Variants in DLGAP2 observed in about 807,000 individuals in gnomAD.
DLGAP2 encodes DLG associated protein 2.
A neutral mutation model predicts 100.3 loss-of-function variants in DLGAP2; 26 were observed. The observed-to-expected ratio is 0.26, with a 90% CI of 0.19 to 0.36. DLGAP2 has a LOEUF of 0.36. DLGAP2 is among the 10% of genes least tolerant of loss of function. The pLI, the probability that DLGAP2 is intolerant of heterozygous loss-of-function variation, is 1.00. For missense variants in DLGAP2, 1,858 were observed against 1,453.2 expected, an observed-to-expected ratio of 1.28 and a Z score of -4.53; for synonymous variants, 886 against 630.1, an observed-to-expected ratio of 1.41 and a Z score of -6.08.
At chr8:1,407,686 C>A (rs1259990084) in intron 3 of DLGAP2, among the ~76,000 whole-genome samples, 1 of 101,242 alleles carries the variant, frequency 9.9e-6, no homozygotes, top group Non-Finnish European at 2.1e-5. Flanking sequence ...GCTTACTGAG[C>A]GCCACCTCCT....
intron 4 of DLGAP2, among the ~76,000 whole-genome samples, chr8:1,522,090 G>A (rs1469067684): frequency 1.3e-5 from 2 of 151,606 alleles, no homozygotes; most frequent in African/African-American, 4.8e-5. Flanking sequence ...GATTTGGGGT[G>A]TCTCTGGTTT....
chr8:1,451,016 A>G (rs1798144809), intron 3 of DLGAP2, among the ~76,000 whole-genome samples: 1 of 152,128 alleles, frequency 6.6e-6, no homozygotes, highest in Admixed American at 6.5e-5. Context: ...ACCGAATTCC[A>G]GGGCATCACT....
At chr8:997,028 G>A (rs1356254232) in intron 2 of DLGAP2, among the ~76,000 whole-genome samples, 7 of 152,202 alleles carry the variant, frequency 4.6e-5, no homozygotes, top group Non-Finnish European at 1.0e-4. Flanking sequence ...ATTGATTGCT[G>A]TGTTTTTCAG....
chr8:760,845 T>C (rs1249965768), intron 1 of DLGAP2, among the ~76,000 whole-genome samples: 1 of 151,970 alleles, frequency 6.6e-6, no homozygotes, highest in Non-Finnish European at 1.5e-5. Context: ...GTTGCTGGGG[T>C]TTGCTCTTCT....
chr8:1,161,222 G>C (rs912773382), intron 2 of DLGAP2, among the ~76,000 whole-genome samples: 1 of 152,110 alleles, frequency 6.6e-6, no homozygotes, highest in South Asian at 2.1e-4. Context: ...CTTTGTGGCT[G>C]GCATGGATAG....
At chr8:1,694,533 ATAACT>A (rs573223180) in intron 13 of DLGAP2, among the ~76,000 whole-genome samples, 90 of 152,326 alleles carry the variant, frequency 5.9e-4, no homozygotes, top group African/African-American at 1.8e-3. Flanking sequence ...AATACCGGAA[ATAACT>A]TAACCTCAAA....
chr8:1,185,250 T>C (rs1456061606), intron 2 of DLGAP2, among the ~76,000 whole-genome samples: 1 of 152,030 alleles, frequency 6.6e-6, no homozygotes, highest in East Asian at 1.9e-4. Flanking sequence ...CCCGATATAA[T>C]GGGGGCTCTG....
chr8:1,252,248 C>G (rs535196960), intron 2 of DLGAP2, among the ~76,000 whole-genome samples: 81 of 151,470 alleles, frequency 5.3e-4, no homozygotes, highest in African/African-American at 2.0e-3. Context: ...TTGTGTTGTC[C>G]TGGGTCGTGG....
chr8:816,254 T>C (rs1369491454), intron 1 of DLGAP2, among the ~76,000 whole-genome samples: 1 of 147,162 alleles, frequency 6.8e-6, no homozygotes, highest in Non-Finnish European at 1.5e-5. Context: ...CATCATGCTA[T>C]TTGTTTCCTG....
chr8:1,525,967 A>T (rs994261733), intron 4 of DLGAP2, among the ~76,000 whole-genome samples: 1 of 151,968 alleles, frequency 6.6e-6, no homozygotes, highest in Non-Finnish European at 1.5e-5. Context: ...CAGATTTGGA[A>T]TTTTTTTGGA....
intron 3 of DLGAP2, among the ~76,000 whole-genome samples, chr8:1,427,290 T>C (rs902681770): frequency 6.6e-6 from 1 of 152,194 alleles, no homozygotes; most frequent in Admixed American, 6.5e-5. Flanking sequence ...TATAGATGAT[T>C]TGAACAACAC....
intron 3 of DLGAP2, among the ~76,000 whole-genome samples, chr8:1,462,491 G>A: frequency 1.8e-5 from 2 of 109,028 alleles, no homozygotes; most frequent in African/African-American, 6.4e-5. Flanking sequence ...GTTGGGAGAA[G>A]GTGCTGCTGT....
At chr8:766,998 G>A (rs549487574) in intron 1 of DLGAP2, among the ~76,000 whole-genome samples, 10 of 152,302 alleles carry the variant, frequency 6.6e-5, no homozygotes, top group Middle Eastern at 3.4e-3. Flanking sequence ...GGCGTCAGGC[G>A]CCCATGAGAT....
intron 3 of DLGAP2, among the ~76,000 whole-genome samples, chr8:1,407,291 A>T (rs112007909): frequency 7.3e-4 from 3 of 4,128 alleles, no homozygotes; most frequent in Non-Finnish European, 1.4e-3. Context: ...CTCATCCTCC[A>T]GAGTCGTGTA....
chr8:1,483,123 A>G (rs1042313913), intron 3 of DLGAP2, among the ~76,000 whole-genome samples: 2 of 152,188 alleles, frequency 1.3e-5, no homozygotes, highest in Non-Finnish European at 2.9e-5. Flanking sequence ...CGGTGCCGGC[A>G]GGAAGGGCAG....
intron 3 of DLGAP2, among the ~76,000 whole-genome samples, chr8:1,331,009 C>G (rs1454276266): frequency 6.6e-6 from 1 of 152,042 alleles, no homozygotes; most frequent in East Asian, 1.9e-4. Flanking sequence ...TTCATGGGGA[C>G]TGAGTTCTGG....
At chr8:1,321,235 GTC>G (rs2117039172) in intron 3 of DLGAP2, among the ~76,000 whole-genome samples, 1 of 151,440 alleles carries the variant, frequency 6.6e-6, no homozygotes, top group South Asian at 2.1e-4. Flanking sequence ...GTGCATCTGT[GTC>G]TCTGCATGTG....
intron 2 of DLGAP2, among the ~76,000 whole-genome samples, chr8:1,239,929 C>CT (rs2116855471): frequency 7.3e-6 from 1 of 136,812 alleles, no homozygotes; most frequent in South Asian, 2.6e-4. Context: ...GGCACCGTGT[C>CT]TAGTTCTCTC....
At chr8:1,157,372 T>C (rs1796811919) in intron 2 of DLGAP2, among the ~76,000 whole-genome samples, 1 of 152,150 alleles carries the variant, frequency 6.6e-6, no homozygotes, top group Non-Finnish European at 1.5e-5. Flanking sequence ...TCGAGTCCTC[T>C]TGAGAACTTG....
Sources: gnomAD v4.1 joint callset for allele counts (sites outside exome capture counted in the v4.1 genomes callset) on GRCh38, gnomAD v4.1.1 for gene constraint, MANE v1.5 for transcripts, NCBI Gene and HGNC (gene_info 2026-07-23, HGNC 2026-07-21) for gene names.